Variants in GDPD4 observed in about 807,000 individuals in gnomAD.
GDPD4 encodes the protein glycerophosphodiester phosphodiesterase 6.
GDPD4 carries 60 observed loss-of-function variants against 67.8 expected under a neutral mutation model. The observed-to-expected ratio is 0.88, with a 90% CI of 0.72 to 1.10. The LOEUF (loss-of-function observed/expected upper bound fraction) is 1.10. Among genes scored for constraint, GDPD4 ranks in the 50% least tolerant of loss-of-function variants. The pLI is 0.00. For missense variants in GDPD4, 623 were observed against 613.9 expected, an observed-to-expected ratio of 1.01 and a Z score of -0.16; for synonymous variants, 212 against 210.9, an observed-to-expected ratio of 1.00 and a Z score of -0.04.
In GDPD4 at chr11:77,219,049, C is replaced by G. The variant is rs559055563; in HGVS notation, c.1526-1735G>C. Among the ~76,000 whole-genome samples, 4 of 152,264 alleles carry G rather than the reference C, an allele frequency of 2.6e-5. No homozygotes were observed. In the East Asian group the frequency reaches 7.7e-4, roughly 29 times the overall value. ...CTATTTCTCCACATCCTCTCCAGCA[C>G]CTGTTGTTTCCTGACTTTTTAATGA... On this transcript the variant is annotated intron_variant, in intron 16 of 16. Coordinates refer to ENST00000315938, the MANE Select transcript of GDPD4 (RefSeq NM_182833.3).
chr11:77,226,154 G>A (rs1958332927), intron 16 of GDPD4, among the ~76,000 whole-genome samples: 1 of 152,042 alleles, frequency 6.6e-6, no homozygotes, highest in African/African-American at 2.4e-5. Flanking sequence ...CTTTTATCTA[G>A]GTTTATATAG....
chr11:77,222,820 G>A (rs1958253514), intron 16 of GDPD4, among the ~76,000 whole-genome samples: 1 of 152,210 alleles, frequency 6.6e-6, no homozygotes, highest in East Asian at 1.9e-4. Context: ...ATATCCTGAA[G>A]AGTGTTTTCT....
At chr11:77,285,310 A>T (rs1191063516) in intron 2 of GDPD4, 123 bp from the exon 3 acceptor site, 1 of 594,942 alleles carries the variant, frequency 1.7e-6, no homozygotes, top group Non-Finnish European at 3.0e-6. Flanking sequence ...CTGAGGCTGG[A>T]GTGATCACTC....
intron 16 of GDPD4, among the ~76,000 whole-genome samples, chr11:77,225,711 CT>C (rs913368544): frequency 4.6e-5 from 7 of 152,168 alleles, no homozygotes; most frequent in Non-Finnish European, 8.8e-5. Context: ...AAAATACCCC[CT>C]CACACTAGAG....
chr11:77,244,565 G>A (rs1958743111), intron 12 of GDPD4, among the ~76,000 whole-genome samples: 1 of 152,146 alleles, frequency 6.6e-6, no homozygotes, highest in African/African-American at 2.4e-5. Flanking sequence ...GAGGCTGGGT[G>A]TGGTGGCTCA....
At chr11:77,298,283 G>A (rs1340635327) in intron 1 of GDPD4, among the ~76,000 whole-genome samples, 2 of 152,136 alleles carry the variant, frequency 1.3e-5, no homozygotes, top group East Asian at 1.9e-4. Flanking sequence ...AGGCCAAGGC[G>A]GGCAGATCAC....
chr11:77,224,432 A>G (rs1958288062), intron 16 of GDPD4: 2 of 152,148 alleles, frequency 1.3e-5, no homozygotes, highest in South Asian at 4.1e-4. Flanking sequence ...CATAGACTTC[A>G]TCATAGATTA....
chr11:77,237,609 T>C (rs1041156312), intron 13 of GDPD4, among the ~76,000 whole-genome samples: 2 of 152,218 alleles, frequency 1.3e-5, no homozygotes, highest in African/African-American at 4.8e-5. Flanking sequence ...CACAGGTTTG[T>C]TCTCTGATCA....
intron 16 of GDPD4, among the ~76,000 whole-genome samples, chr11:77,223,724 T>C (rs903939815): frequency 6.8e-6 from 1 of 146,882 alleles, no homozygotes; most frequent in Non-Finnish European, 1.5e-5. Context: ...ACTACTCTCT[T>C]CAGAGCTGTC....
At chr11:77,256,771 G>A (rs935753424) in intron 11 of GDPD4, among the ~76,000 whole-genome samples, 19 of 152,174 alleles carry the variant, frequency 1.2e-4, no homozygotes, top group East Asian at 5.8e-4. Context: ...TCCCTCTCTC[G>A]CCATATGACA....
At chr11:77,223,671 A>AGTC (rs907817143) in intron 16 of GDPD4, among the ~76,000 whole-genome samples, 59 of 152,324 alleles carry the variant, frequency 3.9e-4, no homozygotes, top group African/African-American at 1.1e-3. Context: ...TTGAGGAAGC[A>AGTC]GTCTGTCTGT....
chr11:77,292,357 ACT>A (rs775233703), intron 1 of GDPD4, among the ~76,000 whole-genome samples: 2 of 152,144 alleles, frequency 1.3e-5, no homozygotes, highest in Non-Finnish European at 2.9e-5. Context: ...CTTCTAAGTA[ACT>A]CTGAGTTAAA....
chr11:77,283,835 G>C (rs1453960844), intron 3 of GDPD4, among the ~76,000 whole-genome samples: 1 of 149,558 alleles, frequency 6.7e-6, no homozygotes, highest in Admixed American at 6.6e-5. Flanking sequence ...AAGTACTTTG[G>C]CAACAGACAT....
At chr11:77,229,436 G>T (rs569390125) in intron 14 of GDPD4, among the ~76,000 whole-genome samples, 1 of 152,148 alleles carries the variant, frequency 6.6e-6, no homozygotes, top group East Asian at 1.9e-4. Flanking sequence ...ACATGCAGGG[G>T]GCTCTAGAGG....
chr11:77,256,632 G>C (rs1358097555), intron 11 of GDPD4, among the ~76,000 whole-genome samples: 1 of 152,164 alleles, frequency 6.6e-6, no homozygotes, highest in African/African-American at 2.4e-5. Flanking sequence ...AGGCATTTGG[G>C]TCATGGGGGC....
chr11:77,285,014 G>T, intron 3 of GDPD4, 71 bp downstream of exon 3: 1 of 1,085,992 alleles, frequency 9.2e-7, no homozygotes. Flanking sequence ...TTTTCAGCCT[G>T]AGGTAGAATC....
chr11:77,220,011 G>C (rs57638073), intron 16 of GDPD4, among the ~76,000 whole-genome samples: 2,635 of 152,272 alleles, frequency 0.017, 82 homozygotes, highest in African/African-American at 0.06. Context: ...TGCTGAAGTT[G>C]CTTATCAGCT....
intron 10 of GDPD4, among the ~76,000 whole-genome samples, chr11:77,259,624 G>A (rs1959073825): frequency 6.6e-6 from 1 of 151,792 alleles, no homozygotes; most frequent in South Asian, 2.1e-4. Context: ...TCCTGCAGGT[G>A]AATACTGAAT....
chr11:77,277,668 T>C (rs1407785110), intron 4 of GDPD4, among the ~76,000 whole-genome samples: 6 of 152,158 alleles, frequency 3.9e-5, no homozygotes, highest in African/African-American at 1.4e-4. Flanking sequence ...GCTAGCGGTC[T>C]ATCAATTTTG....
Sources: gnomAD v4.1 joint callset for allele counts (sites outside exome capture counted in the v4.1 genomes callset) on GRCh38, gnomAD v4.1.1 for gene constraint, MANE v1.5 for transcripts, NCBI Gene and HGNC (gene_info 2026-07-23, HGNC 2026-07-21) for gene names.